The following STXBP2 variants were observed in gnomAD, a reference collection of about 807,000 sequenced individuals.
STXBP2 encodes syntaxin binding protein 2, also known as syntaxin-binding protein 2.
Under a neutral mutation model 72.2 loss-of-function variants are expected in STXBP2, and 47 were observed. That is an observed-to-expected ratio of 0.65 (90% CI 0.51 to 0.83). The LOEUF (loss-of-function observed/expected upper bound fraction) is 0.83, where lower values mean the gene tolerates loss of function less well. Ranked by LOEUF, STXBP2 falls within the 40% of genes least tolerant of loss-of-function variation. The probability of loss-of-function intolerance (pLI) is 0.00; values close to 1 mark genes in which losing one functional copy is unlikely to be tolerated. For missense variants in STXBP2, 702 were observed against 807.6 expected (o/e 0.87, Z 1.58); for synonymous variants, 367 against 338.7 (o/e 1.08, Z -0.92).
intron 5 of STXBP2, 22 bp from the exon 6 acceptor site, chr19:7,640,878 C>T (rs1199938380): frequency 1.9e-6 from 3 of 1,613,692 alleles, no homozygotes; most frequent in African/African-American, 2.7e-5. Flanking sequence ...TGGCCTGATG[C>T]CCCACTCCTG....
At chr19:7,631,901 G>A (rs916558322), upstream of STXBP2, 20 of 1,214,094 alleles carry the variant, frequency 1.6e-5, no homozygotes, top group South Asian at 2.6e-5. Context: ...GGTAGCCACC[G>A]TGTCCCACCT....
At chr19:7,647,306 C>T (rs780085970) in intron 17 of STXBP2, 48 bp from the exon 18 acceptor site, 29 of 1,611,738 alleles carry the variant, frequency 1.8e-5, no homozygotes, top group African/African-American at 5.3e-5. Context: ...GGCGGCCTGG[C>T]GGCGGTGAGG....
Position 7,642,606 on chromosome 19 carries a change from C to G in STXBP2, c.902+70C>G, listed in dbSNP as rs2031939424. The G allele has an allele frequency of 6.3e-7, 1 of 1,576,714 alleles. No individual in the cohort carries two copies. Among genetic ancestry groups the G allele is most frequent in the African/African-American group, 1.3e-5 (1 of 74,278 alleles). On this transcript the variant is annotated intron_variant, in intron 10 of 18. Transcript: ENST00000221283. The surrounding 1 kb of genome is among the most constrained non-coding windows in gnomAD (Gnocchi z 6.0). ...GGGCCTGGTAGCGGCCTTGGGATCCCTGGCTGCTGCCAAGTCTTTGGCCCT... is the reference window on the plus strand; with the variant it reads ...GGGCCTGGTAGCGGCCTTGGGATCCGTGGCTGCTGCCAAGTCTTTGGCCCT...
chr19:7,645,905 C>A, intron 15 of STXBP2: 1 of 438,076 alleles, frequency 2.3e-6, no homozygotes, highest in Non-Finnish European at 4.1e-6. Flanking sequence ...CTCCGTCCCC[C>A]TTCTGTCCCC....
At chr19:7,640,623 C>G (rs2031828307) in intron 4 of STXBP2, 108 bp from the exon 5 acceptor site, 6 of 1,408,220 alleles carry the variant, frequency 4.3e-6, no homozygotes, top group Non-Finnish European at 6.0e-6. Context: ...ATGTCCCCGT[C>G]CGTCCATGTT....
At chr19:7,641,648 G>A (rs544584129) in intron 6 of STXBP2, 57 bp from the exon 7 acceptor site, 12 of 1,548,660 alleles carry the variant, frequency 7.7e-6, no homozygotes, top group Middle Eastern at 2.3e-4. Flanking sequence ...AGCGGGAAGC[G>A]GGGCAGGTGT....
At chr19:7,640,399 TA>T (rs1260359975) in intron 4 of STXBP2, 4 of 588,838 alleles carry the variant, frequency 6.8e-6, no homozygotes, top group Non-Finnish European at 1.2e-5. Context: ...TGCATGTGTG[TA>T]TATGTGTGTA....
At position 7,642,568 on chromosome 19, in the gene STXBP2, C is replaced by G. The variant is rs746801824; in HGVS notation, c.902+32C>G. 5.0e-6 allele frequency: 8 copies of G among 1,607,616 alleles called. No homozygotes were observed. Among genetic ancestry groups the G allele is most frequent in the East Asian group, 4.5e-5 (2 of 44,844 alleles). ...GCACACGGGGACCGGATCCCCCCCC[C>G]ACCGCCCACTGTGGGCCTGGTAGCG... On this transcript the variant is annotated intron_variant, in intron 10 of 18. Transcript: ENST00000221283. The surrounding 1 kb of genome is among the most constrained non-coding windows in gnomAD (Gnocchi z 6.0).
At chr19:7,645,368 G>A (rs892629992) in intron 15 of STXBP2, 62 bp downstream of exon 15, 2 of 1,482,558 alleles carry the variant, frequency 1.3e-6, no homozygotes, top group East Asian at 4.9e-5. Context: ...CCGGGGCTCT[G>A]CAAGGCAGAG....
chr19:7,641,472 G>A (rs1409435241), intron 6 of STXBP2, among the ~76,000 whole-genome samples: 4 of 152,178 alleles, frequency 2.6e-5, no homozygotes, highest in Non-Finnish European at 4.4e-5. Flanking sequence ...AGGGGGCAGC[G>A]TAGAGCGCAC....
At position 7,642,637 on chromosome 19, in the gene STXBP2, G is replaced by A. The variant is rs183588731; in HGVS notation, c.902+101G>A. 4.3e-4 allele frequency: 647 copies of A among 1,510,722 alleles called. 2 individuals are homozygous for A. The African/African-American group carries it at 7.8e-3, about 18-fold the overall frequency. The allele number at this position is 1,510,722 out of a possible 1,614,324, so 93.6% of individuals were successfully genotyped here. A position where few individuals can be genotyped will look rare whatever the true frequency, so the allele number is the denominator to read the frequency against. On this transcript the variant is annotated intron_variant, in intron 10 of 18. Coordinates refer to ENST00000221283, the MANE Select transcript of STXBP2 (RefSeq NM_006949.4). The surrounding 1 kb of genome is among the most constrained non-coding windows in gnomAD (Gnocchi z 6.0). ...GCTGCCAAGTCTTTGGCCCTCATGA[G>A]CACCCCTCGTGTGACTCCAGACTGG...
chr19:7,640,170 G>T (rs1450909294), intron 4 of STXBP2: 2 of 559,134 alleles, frequency 3.6e-6, no homozygotes, highest in Non-Finnish European at 6.8e-6. Context: ...ATGTGTGTGT[G>T]TGCGTCTGTC....
rs762046938 is a variant in STXBP2, at chr19:7,642,353, G to A, written c.794+20G>A. 2.4e-5 allele frequency: 39 copies of A among 1,613,298 alleles called. No homozygotes were observed. The Admixed American group carries it at 2.5e-4, about 10-fold the overall frequency. On this transcript the variant is annotated intron_variant, in intron 9 of 18. Transcript: ENST00000221283. The surrounding 1 kb of genome is among the most constrained non-coding windows in gnomAD (Gnocchi z 6.0). ...ATACAGGTCTGCAGACTTGGAACCC[G>A]TCCCCACCCTTGCCACTGACCTGGT...
chr19:7,642,867 C>T lies in STXBP2; in HGVS notation c.960+44C>T. The T allele has an allele frequency of 6.2e-7, 1 of 1,613,432 alleles. No homozygotes were observed. Among genetic ancestry groups the T allele is most frequent in the Non-Finnish European group, 8.5e-7 (1 of 1,179,426 alleles). ...CACCAAAGGCGCTGGTGGAAGGAAG[C>T]CCCCCTCCCCATGGGCGCAGGGCCA... On this transcript the variant is annotated intron_variant, in intron 11 of 18. Transcript: ENST00000221283. This position sits in a 1 kb window ranked among gnomAD's most constrained non-coding sequence, Gnocchi z 6.0.
At chr19:7,630,800 C>T in the STXBP2 span, 6 of 1,537,068 alleles carry the variant, frequency 3.9e-6, no homozygotes, top group African/African-American at 8.2e-5. Flanking sequence ...GGCTCGTGTC[C>T]CATTTGTGAC....
In STXBP2 at chr19:7,643,213, G is replaced by A. The variant is rs1568468665; in HGVS notation, c.1075G>A (p.Gly359Ser). The A allele has an allele frequency of 4.3e-6, 7 of 1,614,016 alleles. No homozygotes were observed. The highest frequency in any genetic ancestry group is 5.9e-6 in the Non-Finnish European group (7 of 1,180,038). The change falls in exon 13 of 19, where the codon GGC becomes AGC. Residue 359 changes from glycine to serine, a missense_variant. By Grantham distance (56) the Gly-to-Ser change is moderately conservative. Transcript: ENST00000221283. ...AGATGATTGTATGAAGCACTTCAAG[G>A]GCTCGGTGGAGAAGCTGTGTAGTGT... ...LADDCMKHFK[G>S]SVEKLCSVEQ...
rs945475883 is a variant in STXBP2, at chr19:7,642,023, C to T, written c.579-11C>T. On this transcript the variant is annotated splice_polypyrimidine_tract_variant and intron_variant, in intron 7 of 18. Coordinates refer to ENST00000221283, the MANE Select transcript of STXBP2 (RefSeq NM_006949.4). The surrounding 1 kb of genome is among the most constrained non-coding windows in gnomAD (Gnocchi z 6.0). The stretch of plus-strand genomic sequence containing the variant: ...CCTGATGATGTCCCCCGTGTCTGAC[C>T]TCCCCGCCAGGGGCCCAGAGGACAC... 3 of 1,613,936 alleles carry T rather than the reference C, an allele frequency of 1.9e-6. No homozygotes were observed. Among genetic ancestry groups the T allele is most frequent in the Non-Finnish European group, 2.5e-6 (3 of 1,179,906 alleles).
At chr19:7,632,851 T>G, upstream of STXBP2, 1 of 1,542,764 alleles carries the variant, frequency 6.5e-7, no homozygotes, top group Non-Finnish European at 8.7e-7. This position sits in a 1 kb window ranked among gnomAD's most constrained non-coding sequence, Gnocchi z 5.2. Flanking sequence ...ACTCGCTCAG[T>G]CTGGTTGGCC....
rs149111957 is a variant in STXBP2 at position 7,642,458 on chromosome 19, G to A, written c.824G>A (p.Arg275Gln). Residue 275 changes from arginine to glutamine, a missense_variant, in exon 10 of 19, where the codon CGG becomes CAG. Transcript: ENST00000221283. This position sits in a 1 kb window ranked among gnomAD's most constrained non-coding sequence, Gnocchi z 6.0. Reference protein sequence around the residue: ...RYETTGLSEAREKAVLLDEDD... With the variant: ...RYETTGLSEAQEKAVLLDEDD... Reference sequence around the variant, plus strand: ...GAGACCACCGGGCTGAGCGAGGCGCGGGAGAAGGCCGTCTTGCTGGACGAG... The same window carrying A: ...GAGACCACCGGGCTGAGCGAGGCGCAGGAGAAGGCCGTCTTGCTGGACGAG... 1.7e-5 allele frequency: 27 copies of A among 1,613,842 alleles called. No homozygotes were observed. The highest frequency in any genetic ancestry group is 1.9e-5 in the Non-Finnish European group (23 of 1,180,036).
Sources: allele counts gnomAD v4.1 joint callset (sites outside exome capture counted in the v4.1 genomes callset), GRCh38; gene constraint gnomAD v4.1.1; non-coding constraint Gnocchi (gnomAD v3.1); transcripts MANE v1.5; gene names NCBI Gene and HGNC (gene_info 2026-07-23, HGNC 2026-07-21).